Variants in DPYD observed in about 807,000 individuals in gnomAD.
DPYD encodes the protein dihydropyrimidine dehydrogenase [NADP(+)].
Under a neutral mutation model 116.2 loss-of-function variants are expected in DPYD, and 109 were observed. The ratio of observed to expected loss-of-function variants is 0.94; its 90% CI spans 0.80 to 1.10. The LOEUF (loss-of-function observed/expected upper bound fraction) is 1.10, where lower values mean the gene tolerates loss of function less well. DPYD is among the 50% of genes least tolerant of loss of function. DPYD has a pLI of 0.00. For synonymous variants in DPYD, 440 were observed against 432.0 expected (o/e 1.02, Z -0.23); for missense variants, 1,302 against 1,254.5 (o/e 1.04, Z -0.57).
At chr1:97,869,346 T>G (rs1002906935) in intron 2 of DPYD, among the ~76,000 whole-genome samples, 4 of 151,786 alleles carry the variant, frequency 2.6e-5, no homozygotes, top group African/African-American at 9.7e-5. Context: ...GAATTTGTGA[T>G]AAATATTCCT....
At chr1:97,832,045 T>TTGTG (rs35795641) in intron 2 of DPYD, among the ~76,000 whole-genome samples, 21,242 of 133,738 alleles carry the variant, frequency 0.16, 1,663 homozygotes, top group Middle Eastern at 0.25. Flanking sequence ...ATATAATGTA[T>TTGTG]TGTGTGTGTG....
At chr1:97,751,825 C>T (rs1664946090) in intron 3 of DPYD, among the ~76,000 whole-genome samples, 2 of 150,892 alleles carry the variant, frequency 1.3e-5, no homozygotes, top group South Asian at 4.2e-4. Context: ...TGCAGTGGTG[C>T]CATCTCAGCT....
intron 11 of DPYD, among the ~76,000 whole-genome samples, chr1:97,556,924 T>C (rs1287944354): frequency 6.6e-6 from 1 of 150,410 alleles, no homozygotes; most frequent in Admixed American, 6.6e-5. Flanking sequence ...CCCTGAGGAA[T>C]TGCCACACTG....
intron 13 of DPYD, among the ~76,000 whole-genome samples, chr1:97,487,377 T>C (rs904327272): frequency 2.6e-5 from 4 of 152,060 alleles, no homozygotes; most frequent in Non-Finnish European, 4.4e-5. Flanking sequence ...GAAATTCATA[T>C]TAAAATGACA....
At chr1:97,897,497 C>T (rs1055113085) in intron 1 of DPYD, among the ~76,000 whole-genome samples, 1 of 151,790 alleles carries the variant, frequency 6.6e-6, no homozygotes, top group Non-Finnish European at 1.5e-5. Flanking sequence ...GGGGAAATTC[C>T]ATTTACATGT....
intron 16 of DPYD, among the ~76,000 whole-genome samples, chr1:97,314,374 G>T (rs775355269): frequency 6.6e-6 from 1 of 151,612 alleles, no homozygotes; most frequent in Non-Finnish European, 1.5e-5. Context: ...ATCATTTCTG[G>T]TGAACATAAC....
intron 7 of DPYD, among the ~76,000 whole-genome samples, chr1:97,682,887 G>T (rs1660500380): frequency 6.6e-6 from 1 of 152,002 alleles, no homozygotes; most frequent in South Asian, 2.1e-4. Flanking sequence ...CAAGTTCAGT[G>T]TAATAGTCAC....
chr1:97,635,787 A>G (rs1657524320), intron 8 of DPYD, among the ~76,000 whole-genome samples: 1 of 151,988 alleles, frequency 6.6e-6, no homozygotes, highest in African/African-American at 2.4e-5. Flanking sequence ...CAAAAACTAG[A>G]TATTTTTCTG....
intron 1 of DPYD, among the ~76,000 whole-genome samples, chr1:97,884,749 T>C (rs1299505937): frequency 2.6e-5 from 4 of 152,074 alleles, no homozygotes; most frequent in Non-Finnish European, 5.9e-5. Flanking sequence ...TCTTCCCTTC[T>C]AAACTGTGAA....
At chr1:97,284,558 C>T (rs1665538768) in intron 18 of DPYD, among the ~76,000 whole-genome samples, 2 of 151,800 alleles carry the variant, frequency 1.3e-5, no homozygotes, top group East Asian at 1.9e-4. Flanking sequence ...AATTTAATTT[C>T]CCAGCAATTA....
intron 1 of DPYD, 124 bp downstream of exon 1, chr1:97,920,760 G>C: frequency 7.3e-7 from 1 of 1,373,126 alleles, no homozygotes; most frequent in South Asian, 1.2e-5. Flanking sequence ...AGCTCCCACG[G>C]GGGAAACTTT....
At chr1:97,399,652 G>A (rs1245611354) in intron 14 of DPYD, among the ~76,000 whole-genome samples, 1 of 152,114 alleles carries the variant, frequency 6.6e-6, no homozygotes, top group Middle Eastern at 3.2e-3. Context: ...TCTCCTTGAA[G>A]AGGTCCTTCA....
At chr1:97,536,335 G>A (rs1221518006) in intron 12 of DPYD, among the ~76,000 whole-genome samples, 1 of 152,172 alleles carries the variant, frequency 6.6e-6, no homozygotes, top group Non-Finnish European at 1.5e-5. Context: ...CAACCTGACA[G>A]TGGCCAATGA....
intron 3 of DPYD, among the ~76,000 whole-genome samples, chr1:97,779,350 G>A (rs988526508): frequency 6.6e-6 from 1 of 151,644 alleles, no homozygotes; most frequent in Admixed American, 6.6e-5. Flanking sequence ...AGCTGCAATA[G>A]CTTAGATTTG....
intron 13 of DPYD, among the ~76,000 whole-genome samples, chr1:97,495,941 T>A: frequency 6.6e-6 from 1 of 152,242 alleles, no homozygotes; most frequent in South Asian, 2.1e-4. Context: ...GGTTGACCTT[T>A]TCTTTCCAAA....
intron 19 of DPYD, among the ~76,000 whole-genome samples, chr1:97,206,539 T>C (rs1659611946): frequency 1.3e-5 from 2 of 150,000 alleles, no homozygotes; most frequent in Non-Finnish European, 3.0e-5. Flanking sequence ...TGGCTCAGTT[T>C]GCCCACAGGA....
At chr1:97,635,759 G>A (rs916850131) in intron 8 of DPYD, among the ~76,000 whole-genome samples, 2 of 152,088 alleles carry the variant, frequency 1.3e-5, no homozygotes, top group Non-Finnish European at 2.9e-5. Flanking sequence ...GTCTAAAGTT[G>A]AAGAAATTGT....
chr1:97,815,990 T>G (rs2101418505), intron 3 of DPYD, among the ~76,000 whole-genome samples: 1 of 152,200 alleles, frequency 6.6e-6, no homozygotes, highest in South Asian at 2.1e-4. Flanking sequence ...TCTGCACATA[T>G]CACAACAGCT....
At chr1:97,451,422 G>A (rs1056388562) in intron 13 of DPYD, among the ~76,000 whole-genome samples, 11 of 152,036 alleles carry the variant, frequency 7.2e-5, no homozygotes, top group African/African-American at 1.2e-4. Flanking sequence ...TTTTACATGC[G>A]AATTAGTATA....
Sources: gnomAD v4.1 joint callset for allele counts (sites outside exome capture counted in the v4.1 genomes callset) on GRCh38, gnomAD v4.1.1 for gene constraint, MANE v1.5 for transcripts, NCBI Gene and HGNC (gene_info 2026-07-23, HGNC 2026-07-21) for gene names.